Variants in FAM13A observed in about 807,000 individuals in gnomAD.
FAM13A encodes protein FAM13A.
Under a neutral mutation model 129.6 loss-of-function variants are expected in FAM13A, and 76 were observed. That is an observed-to-expected ratio of 0.59 (90% CI 0.49 to 0.71). The LOEUF is 0.71. FAM13A is among the 30% of genes least tolerant of loss of function. The pLI is 0.00. For synonymous variants in FAM13A, 443 were observed against 449.9 expected (o/e 0.98, Z 0.20); for missense variants, 1,108 against 1,249.3 (o/e 0.89, Z 1.70).
intron 5 of FAM13A, among the ~76,000 whole-genome samples, chr4:88,910,570 C>T (rs1748930484): frequency 6.6e-6 from 1 of 152,014 alleles, no homozygotes; most frequent in Admixed American, 6.6e-5. Context: ...TCCTCTTCCA[C>T]TTGTTTCTCT....
intron 5 of FAM13A, chr4:88,937,112 T>C (rs1318630258): frequency 2.0e-5 from 3 of 152,218 alleles, no homozygotes; most frequent in Non-Finnish European, 2.9e-5. Context: ...TCTCCAATTA[T>C]CTCATTTTAT....
At chr4:88,866,965 T>C (rs901427942) in intron 6 of FAM13A, among the ~76,000 whole-genome samples, 2 of 152,208 alleles carry the variant, frequency 1.3e-5, no homozygotes, top group African/African-American at 4.8e-5. Context: ...GGCATAGTCA[T>C]AGAAGATAAT....
chr4:89,050,680 C>T (rs145890565), intron 1 of FAM13A, among the ~76,000 whole-genome samples: 21,715 of 151,800 alleles, frequency 0.14, 1,728 homozygotes, highest in Non-Finnish European at 0.18. Flanking sequence ...GTAATCCTAG[C>T]ACTTTGGGAG....
intron 1 of FAM13A, among the ~76,000 whole-genome samples, chr4:89,046,921 TA>T (rs916326910): frequency 1.3e-5 from 2 of 150,740 alleles, no homozygotes; most frequent in Admixed American, 6.6e-5. Context: ...TTTTTTTAAG[TA>T]AAAAAAAAGA....
At chr4:88,993,951 A>G (rs2149031207) in intron 3 of FAM13A, among the ~76,000 whole-genome samples, 1 of 152,012 alleles carries the variant, frequency 6.6e-6, no homozygotes, top group East Asian at 1.9e-4. Flanking sequence ...AGATCATGCT[A>G]CTGCACTCCA....
At chr4:88,762,228 AG>A (rs754030785) in intron 13 of FAM13A, among the ~76,000 whole-genome samples, 7 of 152,234 alleles carry the variant, frequency 4.6e-5, no homozygotes, top group Non-Finnish European at 7.3e-5. Flanking sequence ...AAGGACAGCC[AG>A]AGCCACCATA....
chr4:88,951,689 C>A (rs1756977704), intron 4 of FAM13A, among the ~76,000 whole-genome samples: 1 of 152,146 alleles, frequency 6.6e-6, no homozygotes, highest in African/African-American at 2.4e-5. Context: ...TAAATCCTAC[C>A]CATCTTCCAA....
chr4:88,875,222 T>C (rs986015313), intron 6 of FAM13A, among the ~76,000 whole-genome samples: 1 of 152,122 alleles, frequency 6.6e-6, no homozygotes, highest in Non-Finnish European at 1.5e-5. Flanking sequence ...ATTCAGGACA[T>C]AGGCATGGGC....
At chr4:89,003,918 A>G (rs930504406) in intron 3 of FAM13A, among the ~76,000 whole-genome samples, 2 of 152,152 alleles carry the variant, frequency 1.3e-5, no homozygotes, top group Non-Finnish European at 1.5e-5. Context: ...CAATAGCTAA[A>G]CCAATTAAAA....
intron 5 of FAM13A, among the ~76,000 whole-genome samples, chr4:88,921,692 C>T (rs916154787): frequency 6.6e-6 from 1 of 152,114 alleles, no homozygotes; most frequent in Non-Finnish European, 1.5e-5. Context: ...ATCAAATTCA[C>T]ACAAACAATA....
At chr4:88,907,393 C>T (rs79524934) in intron 5 of FAM13A, among the ~76,000 whole-genome samples, 7,311 of 152,106 alleles carry the variant, frequency 0.048, 229 homozygotes, top group Non-Finnish European at 0.07. Flanking sequence ...ATGGCTAATT[C>T]GTTACAATCT....
intron 5 of FAM13A, among the ~76,000 whole-genome samples, chr4:88,929,802 AAC>A (rs1158203247): frequency 1.3e-5 from 2 of 152,112 alleles, no homozygotes; most frequent in African/African-American, 2.4e-5. Flanking sequence ...CAGTGGTGCA[AAC>A]ACAGCTCACT....
At chr4:88,975,211 G>A (rs1760734609) in intron 4 of FAM13A, among the ~76,000 whole-genome samples, 1 of 152,168 alleles carries the variant, frequency 6.6e-6, no homozygotes, top group Non-Finnish European at 1.5e-5. Flanking sequence ...ATTCGTAACA[G>A]AGGGCAGAGC....
At chr4:88,862,233 T>C (rs993309083) in intron 6 of FAM13A, among the ~76,000 whole-genome samples, 69 of 152,242 alleles carry the variant, frequency 4.5e-4, no homozygotes, top group Non-Finnish European at 7.3e-4. Flanking sequence ...CTGTATAATG[T>C]ATTTTTATAT....
At chr4:88,749,955 G>A (rs1578480785) in intron 15 of FAM13A, 46 bp from the exon 16 acceptor site, 5 of 1,605,486 alleles carry the variant, frequency 3.1e-6, no homozygotes, top group South Asian at 1.1e-5. Context: ...AGCAGTCACT[G>A]CTTGCCTAGA....
chr4:88,864,037 A>C (rs1739965802), intron 6 of FAM13A, among the ~76,000 whole-genome samples: 1 of 152,256 alleles, frequency 6.6e-6, no homozygotes, highest in African/African-American at 2.4e-5. Context: ...ATATATTGCG[A>C]TAATAGAATT....
intron 7 of FAM13A, among the ~76,000 whole-genome samples, chr4:88,818,057 C>G (rs965600371): frequency 5.3e-5 from 8 of 152,208 alleles, no homozygotes; most frequent in Non-Finnish European, 1.0e-4. Flanking sequence ...GAACTCAGCT[C>G]ACTGCAACCT....
intron 7 of FAM13A, among the ~76,000 whole-genome samples, chr4:88,815,062 C>G (rs1730452279): frequency 6.6e-6 from 1 of 152,032 alleles, no homozygotes; most frequent in South Asian, 2.1e-4. Context: ...AGGCTGGTCT[C>G]CAACTCCTGG....
intron 11 of FAM13A, among the ~76,000 whole-genome samples, chr4:88,777,840 GGGAGCGAC>G (rs1722081545): frequency 6.6e-6 from 1 of 152,112 alleles, no homozygotes; most frequent in African/African-American, 2.4e-5. Flanking sequence ...AAGATCACCA[GGGAGCGAC>G]ATTTTGCTAA....
Sources: gnomAD v4.1 joint callset for allele counts (sites outside exome capture counted in the v4.1 genomes callset) on GRCh38, gnomAD v4.1.1 for gene constraint, MANE v1.5 for transcripts, NCBI Gene and HGNC (gene_info 2026-07-23, HGNC 2026-07-21) for gene names.